Variants in ST18 observed in about 807,000 individuals in gnomAD.
ST18 encodes ST18 C2H2C-type zinc finger transcription factor, also known as suppression of tumorigenicity 18 protein.
A neutral mutation model predicts 110.0 loss-of-function variants in ST18; 50 were observed. That is an observed-to-expected ratio of 0.45 (90% CI 0.36 to 0.58). The LOEUF is 0.58. Ranked by LOEUF, ST18 falls within the 20% of genes least tolerant of loss-of-function variation. ST18 has a pLI of 0.00. For missense variants in ST18, 1,306 were observed against 1,280.1 expected, an observed-to-expected ratio of 1.02 and a Z score of -0.31; for synonymous variants, 461 against 452.4, an observed-to-expected ratio of 1.02 and a Z score of -0.24.
rs76147167 is a variant in ST18, at chr8:52,168,610, G to T, written c.1070-1624C>A. Among the ~76,000 whole-genome samples, 5 of 152,238 alleles carry T rather than the reference G, an allele frequency of 3.3e-5. No homozygotes were observed. In the East Asian group the frequency reaches 9.7e-4, roughly 29 times the overall value. On this transcript the variant is annotated intron_variant, in intron 10 of 25. Coordinates refer to ENST00000689386, the MANE Select transcript of ST18 (RefSeq NM_001352837.2). ...AGGGTCAGGGAGGTCAGGAGACAAG[G>T]CAGGAAGTCTTAAATGAGCAACGAA...
intron 2 of ST18, among the ~76,000 whole-genome samples, chr8:52,279,776 G>T (rs780601416): frequency 1.3e-5 from 2 of 152,098 alleles, no homozygotes; most frequent in Non-Finnish European, 2.9e-5. Flanking sequence ...GATATGCAAC[G>T]TGAACAATTC....
At chr8:52,174,265 T>C (rs1029330274) in intron 9 of ST18, among the ~76,000 whole-genome samples, 2 of 152,220 alleles carry the variant, frequency 1.3e-5, no homozygotes, top group African/African-American at 2.4e-5. Context: ...ATATTAAACA[T>C]AGTCTAAAAT....
At chr8:52,365,794 G>C (rs1001283764) in intron 2 of ST18, among the ~76,000 whole-genome samples, 2 of 151,966 alleles carry the variant, frequency 1.3e-5, no homozygotes, top group African/African-American at 4.8e-5. Flanking sequence ...GACCTCACAG[G>C]CTCAAGCAAT....
intron 14 of ST18, among the ~76,000 whole-genome samples, chr8:52,160,164 G>A (rs998972650): frequency 3.9e-5 from 6 of 152,162 alleles, no homozygotes; most frequent in South Asian, 2.1e-4. Context: ...ATGTATGTAC[G>A]TATATTGTGT....
intron 22 of ST18, among the ~76,000 whole-genome samples, chr8:52,128,256 A>G (rs1271137155): frequency 6.6e-6 from 1 of 152,244 alleles, no homozygotes; most frequent in African/African-American, 2.4e-5. Context: ...GGCGTGATCC[A>G]CGGTGCCCAG....
intron 8 of ST18, among the ~76,000 whole-genome samples, chr8:52,197,978 C>A (rs1274813567): frequency 1.3e-5 from 2 of 152,024 alleles, no homozygotes; most frequent in East Asian, 3.9e-4. Context: ...GTTACTAAGA[C>A]AAAAGGCGTT....
intron 2 of ST18, among the ~76,000 whole-genome samples, chr8:52,362,830 A>G (rs1025122848): frequency 6.6e-6 from 1 of 152,152 alleles, no homozygotes; most frequent in African/African-American, 2.4e-5. Context: ...TTTGGTACCC[A>G]AGGTCCACAT....
At chr8:52,138,093 C>CAAA (rs35928892) in intron 17 of ST18, among the ~76,000 whole-genome samples, 12 of 59,572 alleles carry the variant, frequency 2.0e-4, no homozygotes, top group African/African-American at 5.4e-4. Context: ...AACTCTGTCT[C>CAAA]AAAAAAAAAA....
At chr8:52,256,799 G>A (rs1195482634) in intron 2 of ST18, among the ~76,000 whole-genome samples, 2 of 152,090 alleles carry the variant, frequency 1.3e-5, no homozygotes, top group African/African-American at 4.8e-5. Flanking sequence ...GGACATAAAT[G>A]ACATACCATA....
chr8:52,211,317 A>G (rs774954929), intron 8 of ST18, among the ~76,000 whole-genome samples: 5 of 151,688 alleles, frequency 3.3e-5, no homozygotes, highest in Non-Finnish European at 7.4e-5. Flanking sequence ...CAAAAAAACT[A>G]TTGGTCACAT....
intron 2 of ST18, among the ~76,000 whole-genome samples, chr8:52,380,932 G>A (rs1009154461): frequency 2.0e-5 from 3 of 152,118 alleles, no homozygotes; most frequent in African/African-American, 7.2e-5. Flanking sequence ...GGGCGTTAGG[G>A]TTCTGTGAAT....
At position 52,172,300 on chromosome 8, in the gene ST18, G is replaced by A; in HGVS notation, c.561C>T (p.Cys187=). 1.2e-6 allele frequency: 2 copies of A among 1,614,180 alleles called. No homozygotes were observed. The highest frequency in any genetic ancestry group is 1.7e-6 in the Non-Finnish European group (2 of 1,180,026). The change falls in exon 10 of 26, where the codon TGC becomes TGT. Residue 187 remains cysteine, a synonymous_variant. Coordinates refer to ENST00000689386, the MANE Select transcript of ST18 (RefSeq NM_001352837.2). ...DKIDDSQPPF[C]SSDDNESNSE... is the part of the protein sequence containing the mutation. The stretch of plus-strand genomic sequence containing the variant: ...AGTTACTTTCATTGTCATCAGAGGA[G>A]CAGAAGGGTGGCTGAGAATCATCAA...
intron 13 of ST18, among the ~76,000 whole-genome samples, chr8:52,162,665 T>G (rs1039745059): frequency 1.3e-5 from 2 of 152,238 alleles, no homozygotes; most frequent in African/African-American, 4.8e-5. Context: ...ATATATTCTT[T>G]TAGAATGGTT....
chr8:52,155,446 C>T lies in ST18; in HGVS notation c.1806+3452G>A, dbSNP rs577203774. The stretch of plus-strand genomic sequence containing the variant: ...TCTTCTGCCTCTGGGACATAATGGG[C>T]TCTGGTTTGGGCAGTGATTGGCAAT... On this transcript the variant is annotated intron_variant, in intron 15 of 25. Transcript: ENST00000689386. Among the ~76,000 whole-genome samples the T allele has an allele frequency of 3.2e-4, 49 of 152,158 alleles. 1 individual carries two copies. In the South Asian group the frequency reaches 8.9e-3, roughly 28 times the overall value.
Position 52,357,700 on chromosome 8 carries a change from TATATATATATATATATATATATA to T in ST18, c.-465+51605_-465+51627del, listed in dbSNP as rs1564568304. 1.3e-4 allele frequency among the ~76,000 whole-genome samples: 14 copies of T among 107,838 alleles called. 1 individual carries two copies. Among genetic ancestry groups the T allele is most frequent in the East Asian group, 5.6e-4 (2 of 3,542 alleles). 70.7% of individuals were successfully genotyped at this position (107,838 alleles called of 152,430 possible). On this transcript the variant is annotated intron_variant, in intron 2 of 25. Transcript: ENST00000689386. ...AAATATATATATATATATATATATA[TATATATATATATATATATATATA>T]TATATATAAAACAGACTCAAAGGGA...
At chr8:52,210,029 C>T in intron 8 of ST18, 2 of 455,316 alleles carry the variant, frequency 4.4e-6, no homozygotes, top group South Asian at 1.6e-5. Context: ...AACGTCACTA[C>T]CTTTTTTTCT....
intron 2 of ST18, among the ~76,000 whole-genome samples, chr8:52,255,409 C>T (rs902890260): frequency 3.3e-5 from 5 of 152,246 alleles, no homozygotes; most frequent in East Asian, 3.9e-4. Context: ...AGCCCTTTTA[C>T]GTCTTAAAGG....
intron 2 of ST18, among the ~76,000 whole-genome samples, chr8:52,269,246 G>A (rs6996703): frequency 2.6e-5 from 4 of 152,138 alleles, no homozygotes; most frequent in African/African-American, 9.7e-5. Context: ...CCATTCTGAT[G>A]AATTTTGTTG....
At chr8:52,243,572 G>A (rs1019865353) in intron 2 of ST18, among the ~76,000 whole-genome samples, 1 of 152,062 alleles carries the variant, frequency 6.6e-6, no homozygotes, top group African/African-American at 2.4e-5. Context: ...CATAAGGAAG[G>A]GCATCTTCAC....
Sources: allele counts gnomAD v4.1 joint callset (sites outside exome capture counted in the v4.1 genomes callset), GRCh38; gene constraint gnomAD v4.1.1; transcripts MANE v1.5; gene names NCBI Gene and HGNC (gene_info 2026-07-23, HGNC 2026-07-21).